Variants in ADGRB3 observed in about 807,000 individuals in gnomAD.
The protein encoded by ADGRB3 is brain-specific angiogenesis inhibitor 3.
ADGRB3 carries 37 observed loss-of-function variants against 193.4 expected under a neutral mutation model. The ratio of observed to expected loss-of-function variants is 0.19; its 90% CI spans 0.15 to 0.25. The LOEUF (loss-of-function observed/expected upper bound fraction) is 0.25. Ranked by LOEUF, ADGRB3 falls within the 10% of genes least tolerant of loss-of-function variation. ADGRB3 has a pLI of 1.00. For synonymous variants in ADGRB3, 690 were observed against 644.2 expected, an observed-to-expected ratio of 1.07 and a Z score of -1.08; for missense variants, 1,637 against 1,852.9, an observed-to-expected ratio of 0.88 and a Z score of 2.14.
In ADGRB3 at chr6:68,907,654, A is replaced by G. The variant is rs527942296; in HGVS notation, c.758-22905A>G. Among the ~76,000 whole-genome samples the G allele has an allele frequency of 5.5e-4, 84 of 152,102 alleles. No individual in the cohort carries two copies. The Middle Eastern group carries it at 0.01, about 18-fold the overall frequency. The stretch of plus-strand genomic sequence containing the variant: ...TTCTCTCAATGATTTCCCAATGTTA[A>G]TACCTATCTTAATTCCTTGAATGGA... On this transcript the variant is annotated intron_variant, in intron 3 of 31. Transcript: ENST00000370598.
At chr6:69,127,670 C>A (rs1773889969) in intron 17 of ADGRB3, among the ~76,000 whole-genome samples, 1 of 152,156 alleles carries the variant, frequency 6.6e-6, no homozygotes, top group South Asian at 2.1e-4. Context: ...ATCTTTCCCT[C>A]CTTGCCTTTT....
intron 3 of ADGRB3, among the ~76,000 whole-genome samples, chr6:68,901,724 A>G (rs1766398504): frequency 6.6e-6 from 1 of 152,228 alleles, no homozygotes; most frequent in South Asian, 2.1e-4. Flanking sequence ...TATATACTAC[A>G]TGGCATAATG....
In ADGRB3 at chr6:68,657,016, T is replaced by C. The variant is rs180990952; in HGVS notation, c.757+17584T>C. 2.0e-3 allele frequency among the ~76,000 whole-genome samples: 310 copies of C among 151,652 alleles called. 3 individuals are homozygous for C. Among genetic ancestry groups the C allele is most frequent in the Admixed American group, 0.012 (176 of 15,170 alleles). ...GTTGTTTTAGGCTGCCCATAGAAAA[T>C]GAAGTATAATGACTTCGATTTTATT... On this transcript the variant is annotated intron_variant, in intron 3 of 31. Coordinates refer to ENST00000370598, the MANE Select transcript of ADGRB3 (RefSeq NM_001704.3).
At chr6:68,745,981 A>G (rs1359646983) in intron 3 of ADGRB3, among the ~76,000 whole-genome samples, 1 of 152,172 alleles carries the variant, frequency 6.6e-6, no homozygotes, top group African/African-American at 2.4e-5. Flanking sequence ...ATTGATGGGC[A>G]TATTTATTGC....
intron 3 of ADGRB3, among the ~76,000 whole-genome samples, chr6:68,850,426 T>C (rs1306649057): frequency 4.6e-5 from 7 of 151,956 alleles, no homozygotes; most frequent in Non-Finnish European, 8.8e-5. Context: ...TTTTATCACC[T>C]CTTGCATTGT....
At chr6:69,308,490 G>A (rs1055668500) in intron 20 of ADGRB3, among the ~76,000 whole-genome samples, 18 of 149,618 alleles carry the variant, frequency 1.2e-4, no homozygotes, top group East Asian at 3.9e-4. Flanking sequence ...CAGTTGGTTC[G>A]TACTTTGCAT....
intron 3 of ADGRB3, among the ~76,000 whole-genome samples, chr6:68,647,337 T>C (rs1768240724): frequency 6.6e-6 from 1 of 152,224 alleles, no homozygotes; most frequent in African/African-American, 2.4e-5. Flanking sequence ...ATGTATCTAG[T>C]ACCCAACCCT....
intron 20 of ADGRB3, among the ~76,000 whole-genome samples, chr6:69,246,465 G>A (rs188647193): frequency 5.1e-4 from 77 of 152,220 alleles, no homozygotes; most frequent in African/African-American, 1.8e-3. Context: ...GAGCATAATG[G>A]TTGGCTAGCT....
chr6:68,885,148 T>G (rs79330198), intron 3 of ADGRB3, among the ~76,000 whole-genome samples: 5,774 of 152,242 alleles, frequency 0.038, 157 homozygotes, highest in Non-Finnish European at 0.051. Flanking sequence ...GGGCATTTTT[T>G]GGGGATCTTA....
At chr6:68,759,857 A>C (rs1460699395) in intron 3 of ADGRB3, among the ~76,000 whole-genome samples, 1 of 152,098 alleles carries the variant, frequency 6.6e-6, no homozygotes, top group Non-Finnish European at 1.5e-5. Flanking sequence ...TAATAGCATA[A>C]ATTATTTCAT....
intron 17 of ADGRB3, among the ~76,000 whole-genome samples, chr6:69,201,336 G>A (rs1238992040): frequency 6.6e-6 from 1 of 151,966 alleles, no homozygotes; most frequent in Non-Finnish European, 1.5e-5. Flanking sequence ...TAGTTCCCAG[G>A]ACCTTGTCCT....
At chr6:68,717,514 A>C (rs1765508174) in intron 3 of ADGRB3, among the ~76,000 whole-genome samples, 1 of 151,372 alleles carries the variant, frequency 6.6e-6, no homozygotes, top group Non-Finnish European at 1.5e-5. Context: ...TTGTGTAGAT[A>C]AGTGCAAGGT....
chr6:69,350,240 A>G lies in ADGRB3; in HGVS notation c.3460-3993A>G, dbSNP rs531837200. 2.4e-3 allele frequency among the ~76,000 whole-genome samples: 358 copies of G among 152,014 alleles called. 6 individuals are homozygous for G. The highest frequency in any genetic ancestry group is 6.3e-3 in the African/African-American group (260 of 41,482). Reference sequence around the variant, plus strand: ...TGCATGGTTAGATTCTTTTCAGGAGACAACCTTGATAGCTTATTGTTTTTT... The same window carrying G: ...TGCATGGTTAGATTCTTTTCAGGAGGCAACCTTGATAGCTTATTGTTTTTT... On this transcript the variant is annotated intron_variant, in intron 26 of 31. Coordinates refer to ENST00000370598, the MANE Select transcript of ADGRB3 (RefSeq NM_001704.3).
intron 3 of ADGRB3, among the ~76,000 whole-genome samples, chr6:68,871,470 T>C (rs888866979): frequency 6.6e-6 from 1 of 152,160 alleles, no homozygotes. Flanking sequence ...TGATTGTTCA[T>C]ATAATCAATT....
Position 68,975,294 on chromosome 6 carries a change from G to C in ADGRB3, c.1688G>C (p.Ser563Thr). 1 of 1,614,058 alleles carries C rather than the reference G, an allele frequency of 6.2e-7. No individual in the cohort carries two copies. The highest frequency in any genetic ancestry group is 8.5e-7 in the Non-Finnish European group (1 of 1,179,954). Residue 563 changes from serine to threonine, a missense_variant, in exon 10 of 32, where the codon AGC (serine) becomes ACC (threonine). This residue lies in a region of ADGRB3 where 641 missense variants were observed against 673.9 expected (regional missense o/e 0.95). Coordinates refer to ENST00000370598, the MANE Select transcript of ADGRB3 (RefSeq NM_001704.3). ...LHGVAFWEQP[S>T]FARCISNEYR... ...GGAGTGGCCTTCTGGGAACAGCCGA[G>C]CTTTGCAAGATGCATATCAAATGAG...
At position 68,707,938 on chromosome 6, in the gene ADGRB3, G is replaced by A. The variant is rs374818930; in HGVS notation, c.757+68506G>A. Among the ~76,000 whole-genome samples the A allele has an allele frequency of 2.0e-5, 3 of 152,300 alleles. No individual in the cohort carries two copies. In the South Asian group the frequency reaches 6.2e-4, roughly 32 times the overall value. On this transcript the variant is annotated intron_variant, in intron 3 of 31. Coordinates refer to ENST00000370598, the MANE Select transcript of ADGRB3 (RefSeq NM_001704.3). ...AGTGCCTCAGGGGCAAAGTTCCTGT[G>A]CAAGAGGATGGCTAAGCAGAGACAC...
intron 5 of ADGRB3, among the ~76,000 whole-genome samples, chr6:68,940,238 A>C (rs371935481): frequency 1.3e-5 from 2 of 152,196 alleles, no homozygotes; most frequent in South Asian, 2.1e-4. Context: ...TTATTGCCCT[A>C]GTTGAATTTT....
intron 17 of ADGRB3, among the ~76,000 whole-genome samples, chr6:69,203,645 A>G (rs1228282792): frequency 6.6e-6 from 1 of 152,100 alleles, no homozygotes; most frequent in Non-Finnish European, 1.5e-5. Flanking sequence ...TTCTGCAGCC[A>G]CAATACTTTC....
chr6:68,661,484 TATATATATGTGTGTATAC>T (rs1561986422), intron 3 of ADGRB3, among the ~76,000 whole-genome samples: 1 of 90,592 alleles, frequency 1.1e-5, no homozygotes, highest in Non-Finnish European at 2.4e-5. Flanking sequence ...TGTGTATACA[TATATATATGTGTGTATAC>T]ATATATATGT....
Sources: allele counts gnomAD v4.1 joint callset (sites outside exome capture counted in the v4.1 genomes callset), GRCh38; gene constraint gnomAD v4.1.1; regional missense constraint gnomAD v4.1.1; transcripts MANE v1.5; gene names NCBI Gene and HGNC (gene_info 2026-07-23, HGNC 2026-07-21).